Variants in NCKAP5 observed in about 807,000 individuals in gnomAD.
NCKAP5 encodes the protein NCK associated protein 5.
NCKAP5 carries 92 observed loss-of-function variants against 167.0 expected under a neutral mutation model. The ratio of observed to expected loss-of-function variants is 0.55; its 90% confidence interval spans 0.47 to 0.66. The LOEUF (loss-of-function observed/expected upper bound fraction) is 0.66, where lower values mean the gene tolerates loss of function less well. NCKAP5 is among the 30% of genes least tolerant of loss of function. NCKAP5 has a pLI of 0.00. For missense variants in NCKAP5, 2,378 were observed against 2,315.0 expected, an observed-to-expected ratio of 1.03 and a Z score of -0.56; for synonymous variants, 891 against 877.4, an observed-to-expected ratio of 1.02 and a Z score of -0.27.
At chr2:133,147,798 T>C (rs947889298) in intron 5 of NCKAP5, among the ~76,000 whole-genome samples, 6 of 152,142 alleles carry the variant, frequency 3.9e-5, no homozygotes, top group Non-Finnish European at 8.8e-5. Flanking sequence ...TGAGCCAATT[T>C]ATTTAATAAA....
At chr2:133,369,874 T>C (rs1206377385) in intron 3 of NCKAP5, among the ~76,000 whole-genome samples, 1 of 152,246 alleles carries the variant, frequency 6.6e-6, no homozygotes, top group African/African-American at 2.4e-5. Flanking sequence ...TATATTTTGC[T>C]TGAAGTGTTT....
At chr2:133,288,354 A>G (rs1574610710) in intron 4 of NCKAP5, among the ~76,000 whole-genome samples, 1 of 152,184 alleles carries the variant, frequency 6.6e-6, no homozygotes, top group Admixed American at 6.5e-5. Flanking sequence ...TGCAACTGAT[A>G]CCATCCATAT....
At chr2:133,429,620 C>T (rs547160394) in intron 3 of NCKAP5, among the ~76,000 whole-genome samples, 15 of 152,282 alleles carry the variant, frequency 9.9e-5, no homozygotes, top group Admixed American at 7.2e-4. Flanking sequence ...ACTCCAGTTG[C>T]ATCCATGTTG....
chr2:132,992,956 G>A (rs1004554726), intron 7 of NCKAP5, among the ~76,000 whole-genome samples: 5 of 152,076 alleles, frequency 3.3e-5, no homozygotes, highest in Admixed American at 6.5e-5. Context: ...ATACAGCCTC[G>A]CCTCTTAAGG....
At chr2:133,267,709 G>GA (rs1463879366) in intron 4 of NCKAP5, among the ~76,000 whole-genome samples, 2 of 151,752 alleles carry the variant, frequency 1.3e-5, no homozygotes, top group African/African-American at 4.9e-5. Context: ...TATTTTATTA[G>GA]AAAATAATGA....
chr2:133,467,373 G>T (rs1024012186), intron 3 of NCKAP5, among the ~76,000 whole-genome samples: 1 of 152,176 alleles, frequency 6.6e-6, no homozygotes, highest in Non-Finnish European at 1.5e-5. Flanking sequence ...CTTGATCATG[G>T]TGGATAAGCT....
At chr2:133,632,427 A>G in the NCKAP5 span, among the ~76,000 whole-genome samples, 3 of 152,162 alleles carry the variant, frequency 2.0e-5, no homozygotes, top group Admixed American at 2.0e-4. Context: ...TGCAGGGGGA[A>G]AAAAAGACTA....
chr2:133,142,748 G>A (rs1239931663), intron 5 of NCKAP5, among the ~76,000 whole-genome samples: 1 of 152,096 alleles, frequency 6.6e-6, no homozygotes, highest in Non-Finnish European at 1.5e-5. Flanking sequence ...ATACCAATTT[G>A]TCCAGGGTGA....
intron 16 of NCKAP5, among the ~76,000 whole-genome samples, chr2:132,764,798 A>G (rs1477284640): frequency 1.3e-5 from 2 of 152,254 alleles, no homozygotes; most frequent in Non-Finnish European, 2.9e-5. Context: ...AAAATGTGAC[A>G]TTCGACTTAA....
Position 133,003,403 on chromosome 2 carries a change from T to C in NCKAP5, c.342-9164A>G, listed in dbSNP as rs918858013. On this transcript the variant is annotated intron_variant, in intron 6 of 19. Transcript: ENST00000409261. Reference sequence around the variant, plus strand: ...ACTAATTTTCAATTCCAAGAGCAAATTGTTCATGTGGAAAATGTTGGTTTA... The same window carrying C: ...ACTAATTTTCAATTCCAAGAGCAAACTGTTCATGTGGAAAATGTTGGTTTA... Among the ~76,000 whole-genome samples the C allele has an allele frequency of 7.2e-5, 11 of 152,130 alleles. No individual in the cohort carries two copies. The East Asian group carries it at 1.2e-3, about 16-fold the overall frequency.
intron 3 of NCKAP5, among the ~76,000 whole-genome samples, chr2:133,479,711 C>T (rs1410484736): frequency 6.6e-6 from 1 of 152,088 alleles, no homozygotes; most frequent in African/African-American, 2.4e-5. Flanking sequence ...TGTCTTTCTG[C>T]TTTATTGCAG....
chr2:132,865,000 C>T (rs962324447), intron 10 of NCKAP5, among the ~76,000 whole-genome samples: 1 of 152,064 alleles, frequency 6.6e-6, no homozygotes. Context: ...GATGTCTTTT[C>T]GAGTGCTGCT....
At chr2:133,399,071 C>G (rs945700028) in intron 3 of NCKAP5, among the ~76,000 whole-genome samples, 14 of 152,122 alleles carry the variant, frequency 9.2e-5, no homozygotes, top group Admixed American at 9.2e-4. Flanking sequence ...TCACAGAGAC[C>G]GAGGCCGCTG....
At chr2:133,231,624 CAAT>C (rs2087152051) in intron 4 of NCKAP5, among the ~76,000 whole-genome samples, 1 of 152,080 alleles carries the variant, frequency 6.6e-6, no homozygotes, top group African/African-American at 2.4e-5. Context: ...TCTGAAACAA[CAAT>C]GATTAGAATG....
At chr2:133,596,673 A>G in the NCKAP5 span, among the ~76,000 whole-genome samples, 1 of 152,202 alleles carries the variant, frequency 6.6e-6, no homozygotes, top group Non-Finnish European at 1.5e-5. Flanking sequence ...AGGAGTGGAA[A>G]GAAAATAGTA....
intron 3 of NCKAP5, among the ~76,000 whole-genome samples, chr2:133,397,874 C>T (rs1420925516): frequency 3.3e-5 from 5 of 152,154 alleles, no homozygotes; most frequent in Non-Finnish European, 7.4e-5. Context: ...AAGAGATTCT[C>T]AGGCAAGGAG....
Position 133,472,132 on chromosome 2 carries a change from A to G in NCKAP5, c.69+45326T>C, listed in dbSNP as rs1347749199. Among the ~76,000 whole-genome samples the G allele has an allele frequency of 2.0e-5, 3 of 152,124 alleles. No individual in the cohort carries two copies. In the East Asian group the frequency reaches 5.8e-4, roughly 29 times the overall value. On this transcript the variant is annotated intron_variant, in intron 3 of 19. Coordinates refer to ENST00000409261, the MANE Select transcript of NCKAP5 (RefSeq NM_207363.3). The stretch of plus-strand genomic sequence containing the variant: ...GCAGCAAATCACCCCTTTTATATGT[A>G]ATTTTATGTAGCTGTAACCAGATTC...
intron 2 of NCKAP5, among the ~76,000 whole-genome samples, chr2:133,540,091 G>A (rs1686100827): frequency 6.6e-6 from 1 of 152,168 alleles, no homozygotes; most frequent in African/African-American, 2.4e-5. Flanking sequence ...TGCGGTAGGG[G>A]AATTGCTTGA....
intron 6 of NCKAP5, among the ~76,000 whole-genome samples, chr2:133,045,722 T>C (rs1187061400): frequency 1.1e-4 from 17 of 152,188 alleles, no homozygotes; most frequent in Admixed American, 1.1e-3. Flanking sequence ...AATAATAAAC[T>C]AGAACCATTA....
Sources: allele counts gnomAD v4.1 joint callset (sites outside exome capture counted in the v4.1 genomes callset), GRCh38; gene constraint gnomAD v4.1.1; transcripts MANE v1.5; gene names NCBI Gene and HGNC (gene_info 2026-07-23, HGNC 2026-07-21).